The following HIBCH variants were observed in gnomAD, a reference collection of about 807,000 sequenced individuals.
The protein encoded by HIBCH is 3-hydroxyisobutyryl-CoA hydrolase, mitochondrial.
In HIBCH, 50 loss-of-function variants were observed where a neutral mutation model predicts 58.2. The observed-to-expected ratio is 0.86, with a 90% CI of 0.68 to 1.09. The LOEUF is 1.09. Among genes scored for constraint, HIBCH ranks in the 50% least tolerant of loss-of-function variants. The probability of loss-of-function intolerance (pLI) is 0.00; values close to 1 mark genes in which losing one functional copy is unlikely to be tolerated. For synonymous variants in HIBCH, 151 were observed against 146.9 expected (o/e 1.03, Z -0.20); for missense variants, 450 against 449.7 (o/e 1.00, Z -0.01).
At position 190,211,138 on chromosome 2, in the gene HIBCH, G is replaced by A. The variant is rs933694031; in HGVS notation, c.1011+1818C>T. ...GCACACCTATGTACCTGGAACCTATGTACCTGGGTACCTCTAACAGTGTCT... is the reference window on the plus strand; with the variant it reads ...GCACACCTATGTACCTGGAACCTATATACCTGGGTACCTCTAACAGTGTCT... On this transcript the variant is annotated intron_variant, in intron 12 of 13. Transcript: ENST00000359678. The surrounding 1 kb of genome is among the most constrained non-coding windows in gnomAD (Gnocchi z 5.0). 2.0e-5 allele frequency among the ~76,000 whole-genome samples: 3 copies of A among 152,132 alleles called. No individual in the cohort carries two copies. Among genetic ancestry groups the A allele is most frequent in the African/African-American group, 7.2e-5 (3 of 41,412 alleles).
chr2:190,204,886 A>G lies in HIBCH; in HGVS notation c.*231T>C, dbSNP rs1285396480. 1 of 479,280 alleles carries G rather than the reference A, an allele frequency of 2.1e-6. No homozygotes were observed. The highest frequency in any genetic ancestry group is 3.8e-6 in the Non-Finnish European group (1 of 265,922). The allele number at this position is 479,280 out of a possible 1,614,324, so 29.7% of individuals were successfully genotyped here. On this transcript the variant is annotated 3_prime_UTR_variant, in exon 14 of 14. Coordinates refer to ENST00000359678, the MANE Select transcript of HIBCH (RefSeq NM_014362.4). ...ACTACTCATTTCAAAGCAGCCACAG[A>G]TAATATATAAACAGATGAGTATAGC...
Position 190,244,961 on chromosome 2 carries a change from A to C in HIBCH, c.817T>G (p.Ser273Ala), listed in dbSNP as rs1238465096. 1 of 1,592,790 alleles carries C rather than the reference A, an allele frequency of 6.3e-7. No homozygotes were observed. Among genetic ancestry groups the C allele is most frequent in the Non-Finnish European group, 8.6e-7 (1 of 1,160,570 alleles). Residue 273 changes from serine (S) to alanine (A), a missense_variant, in exon 11 of 14, where the codon TCA (serine) becomes GCA (alanine). By Grantham distance (99) the Ser-to-Ala change is moderately conservative. Transcript: ENST00000359678. ...ATAATTTCTTCCACAGTATTGGCTG[A>C]AAAACAACTATAAAAAAAGGAAATG... The part of the protein sequence containing the change: ...EHMDKINSCF[S>A]ANTVEEIIEN...
intron 6 of HIBCH, among the ~76,000 whole-genome samples, chr2:190,275,957 G>C (rs867365218): frequency 5.3e-5 from 8 of 152,200 alleles, no homozygotes; most frequent in African/African-American, 1.2e-4. Flanking sequence ...GACAAGAACA[G>C]AGCTTTCAAT....
rs1690392206 is a variant in HIBCH at position 190,206,395 on chromosome 2, G to C, written c.1046-1163C>G. Among the ~76,000 whole-genome samples, 1 of 152,186 alleles carries C rather than the reference G, an allele frequency of 6.6e-6. No homozygotes were observed. The highest frequency in any genetic ancestry group is 2.4e-5 in the African/African-American group (1 of 41,450). On this transcript the variant is annotated intron_variant, in intron 13 of 13. Coordinates refer to ENST00000359678, the MANE Select transcript of HIBCH (RefSeq NM_014362.4). This position sits in a 1 kb window ranked among gnomAD's most constrained non-coding sequence, Gnocchi z 5.1. ...TCCACAAGAATCTCTCTCACTCTAA[G>C]TCTTCTGGTCAATACTACCTGTCTC...
chr2:190,201,744 G>A (rs917501642), downstream of HIBCH: 2 of 166,884 alleles, frequency 1.2e-5, no homozygotes, highest in Admixed American at 1.3e-4. Flanking sequence ...CTGTCCCATT[G>A]TACTTGCAAT....
rs1553506569 is a variant in HIBCH at position 190,299,504 on chromosome 2, T to TACACAC, written c.79-2557_79-2552dup. Among the ~76,000 whole-genome samples the TACACAC allele has an allele frequency of 3.0e-3, 448 of 151,440 alleles. 3 individuals carry two copies. Among genetic ancestry groups the TACACAC allele is most frequent in the African/African-American group, 9.6e-3 (398 of 41,268 alleles). On this transcript the variant is annotated intron_variant, in intron 2 of 13. Coordinates refer to ENST00000359678, the MANE Select transcript of HIBCH (RefSeq NM_014362.4). ...CACATTGACAATGATCAAAGTCTGA[T>TACACAC]ACACACACACACACACATATCTGAT...
chr2:190,256,937 G>GA (rs954761207), intron 7 of HIBCH, among the ~76,000 whole-genome samples: 7 of 151,724 alleles, frequency 4.6e-5, no homozygotes, highest in South Asian at 2.1e-4. Context: ...ATGAAAGAGA[G>GA]AAAAAAAATG....
chr2:190,244,120 T>G (rs1244184736), intron 11 of HIBCH, among the ~76,000 whole-genome samples: 1 of 150,136 alleles, frequency 6.7e-6, no homozygotes, highest in Non-Finnish European at 1.5e-5. Context: ...GGAATCATGA[T>G]GTGGAGCCTA....
chr2:190,270,540 T>C (rs1252182583), intron 6 of HIBCH, among the ~76,000 whole-genome samples: 2 of 152,092 alleles, frequency 1.3e-5, no homozygotes, highest in Non-Finnish European at 2.9e-5. Context: ...GGAGAATGAG[T>C]AAGCTCCTGC....
chr2:190,316,917 C>T (rs1170539192), intron 1 of HIBCH, among the ~76,000 whole-genome samples: 5 of 152,170 alleles, frequency 3.3e-5, no homozygotes, highest in African/African-American at 1.2e-4. Context: ...TACCCTCTTC[C>T]TGTTATTTCT....
At chr2:190,194,979 T>C (rs371181960) in intron 1 of HIBCH, among the ~76,000 whole-genome samples, 30 of 152,226 alleles carry the variant, frequency 2.0e-4, no homozygotes, top group African/African-American at 7.0e-4. Flanking sequence ...CTCGGCTTCC[T>C]GAGTAGTTAA....
rs1400293010 is a variant in HIBCH, at chr2:190,204,801, T to C, written c.*316A>G. ...CTAAAACAAGGATTGACAAACTTTT[T>C]TCTGACAAAAACCAGACAGTAAATA... On this transcript the variant is annotated 3_prime_UTR_variant, in exon 14 of 14. Coordinates refer to ENST00000359678, the MANE Select transcript of HIBCH (RefSeq NM_014362.4). The C allele has an allele frequency of 7.5e-6, 2 of 266,406 alleles. No homozygotes were observed. Among genetic ancestry groups the C allele is most frequent in the East Asian group, 9.1e-5 (1 of 10,990 alleles). 16.5% of individuals were successfully genotyped at this position (266,406 alleles called of 1,614,324 possible).
In HIBCH at chr2:190,208,649, C is replaced by A. The variant is rs867021918; in HGVS notation, c.1045+231G>T. ...ATTCTTTATCTGGAATGCTTGGGATCAGAAGTGTTTCAGGTTTGATTTTTT... is the reference window on the plus strand; with the variant it reads ...ATTCTTTATCTGGAATGCTTGGGATAAGAAGTGTTTCAGGTTTGATTTTTT... On this transcript the variant is annotated intron_variant, in intron 13 of 13. Coordinates refer to ENST00000359678, the MANE Select transcript of HIBCH (RefSeq NM_014362.4). 13 of 570,218 alleles carry A rather than the reference C, an allele frequency of 2.3e-5. No homozygotes were observed. The Middle Eastern group carries it at 2.9e-3, about 127-fold the overall frequency. The allele number at this position is 570,218 out of a possible 1,614,324, so 35.3% of individuals were successfully genotyped here.
At chr2:190,234,520 T>A (rs553578844) in intron 11 of HIBCH, among the ~76,000 whole-genome samples, 1 of 152,172 alleles carries the variant, frequency 6.6e-6, no homozygotes, top group Non-Finnish European at 1.5e-5. Flanking sequence ...CTCACAAATA[T>A]AGTGCTGAGC....
chr2:190,239,191 A>G (rs527307721), intron 11 of HIBCH, among the ~76,000 whole-genome samples: 5 of 152,266 alleles, frequency 3.3e-5, no homozygotes, highest in East Asian at 1.9e-4. Context: ...TGGCTAGCCA[A>G]GTTTCCCAAC....
intron 6 of HIBCH, among the ~76,000 whole-genome samples, chr2:190,265,181 A>G (rs993362069): frequency 6.6e-6 from 1 of 151,526 alleles, no homozygotes; most frequent in African/African-American, 2.4e-5. Context: ...AAAATATATC[A>G]AAACAATTTT....
chr2:190,294,771 C>A, intron 3 of HIBCH, 141 bp from the exon 4 acceptor site: 1 of 676,846 alleles, frequency 1.5e-6, no homozygotes, highest in East Asian at 2.7e-5. Flanking sequence ...TAAGGGATAT[C>A]CAGAAGAACG....
At chr2:190,235,830 T>C (rs973098380) in intron 11 of HIBCH, among the ~76,000 whole-genome samples, 1 of 152,218 alleles carries the variant, frequency 6.6e-6, no homozygotes, top group African/African-American at 2.4e-5. Context: ...AATTTGTGCC[T>C]CTACTTTAGA....
chr2:190,215,831 C>G lies in HIBCH; in HGVS notation c.892-2756G>C, dbSNP rs528871146. 6.6e-6 allele frequency: 1 copy of G among 152,340 alleles called. No homozygotes were observed. The allele number at this position is 152,340 out of a possible 1,614,324, so 9.4% of individuals were successfully genotyped here. ...TGTGTGTGGGAGCCACTGGACTAAG[C>G]AGCCAAGACAGGGAAGGCAGTGTAA... is the stretch of plus-strand genomic sequence containing the variant. On this transcript the variant is annotated intron_variant, in intron 11 of 13. Transcript: ENST00000359678. The surrounding 1 kb of genome is among the most constrained non-coding windows in gnomAD (Gnocchi z 4.4).
Sources: allele counts gnomAD v4.1 joint callset (sites outside exome capture counted in the v4.1 genomes callset), GRCh38; gene constraint gnomAD v4.1.1; non-coding constraint Gnocchi (gnomAD v3.1); transcripts MANE v1.5; gene names NCBI Gene and HGNC (gene_info 2026-07-23, HGNC 2026-07-21).